NTAQ1: variants seen among roughly 807,000 people sequenced by gnomAD.
NTAQ1 encodes protein N-terminal glutamine amidohydrolase.
A neutral mutation model predicts 28.2 loss-of-function variants in NTAQ1; 21 were observed. The observed-to-expected ratio is 0.74, with a 90% confidence interval of 0.53 to 1.07. The LOEUF (loss-of-function observed/expected upper bound fraction) is 1.07, where lower values mean the gene tolerates loss of function less well. Ranked by LOEUF, NTAQ1 falls within the 50% of genes least tolerant of loss-of-function variation. The probability of loss-of-function intolerance (pLI) is 0.00; values close to 1 mark genes in which losing one functional copy is unlikely to be tolerated. For missense variants in NTAQ1, 264 were observed against 256.6 expected (o/e 1.03, Z -0.20); for synonymous variants, 105 against 90.0 (o/e 1.17, Z -0.94).
chr8:123,443,249 A>C (rs1815146023), downstream of NTAQ1, among the ~76,000 whole-genome samples: 1 of 151,378 alleles, frequency 6.6e-6, no homozygotes, highest in South Asian at 2.1e-4. Flanking sequence ...CAAACTCCTG[A>C]CCTCAGGTGA....
intron 6 of NTAQ1, among the ~76,000 whole-genome samples, chr8:123,455,275 G>A (rs1027082680): frequency 3.9e-5 from 6 of 152,098 alleles, no homozygotes; most frequent in African/African-American, 1.4e-4. Flanking sequence ...TGCTTGGTTC[G>A]TGGGCCTACA....
chr8:123,420,469 C>T (rs1813610179), intron 1 of NTAQ1, among the ~76,000 whole-genome samples: 1 of 151,986 alleles, frequency 6.6e-6, no homozygotes, highest in African/African-American at 2.4e-5. Context: ...AGTTCTGTTT[C>T]AAGTTCTTTG....
At chr8:123,421,390 A>G (rs1813680858) in intron 1 of NTAQ1, among the ~76,000 whole-genome samples, 1 of 152,168 alleles carries the variant, frequency 6.6e-6, no homozygotes, top group African/African-American at 2.4e-5. Context: ...TGACTTTAAG[A>G]ATAGTCATTC....
chr8:123,430,023 C>G lies in NTAQ1; in HGVS notation c.224C>G (p.Pro75Arg). Residue 75 changes from proline (P) to arginine (R), a missense_variant, in exon 3 of 6, where the codon CCT (proline) becomes CGT (arginine). Coordinates refer to ENST00000287387, the MANE Select transcript of NTAQ1 (RefSeq NM_018024.3). ...CAACAGGCGAGACCTGGAGATGGAC[C>G]TGTGATCTGGGTAAGACAGTTAATA... is the stretch of plus-strand genomic sequence containing the variant. ...WKQQARPGDG[P>R]VIWDYHVVLL... The G allele has an allele frequency of 6.2e-7, 1 of 1,612,820 alleles. No individual in the cohort carries two copies. Among genetic ancestry groups the G allele is most frequent in the Non-Finnish European group, 8.5e-7 (1 of 1,179,236 alleles).
At chr8:123,423,933 G>C (rs1813879329) in intron 1 of NTAQ1, among the ~76,000 whole-genome samples, 1 of 151,610 alleles carries the variant, frequency 6.6e-6, no homozygotes, top group African/African-American at 2.4e-5. Context: ...CCAGGCTGGA[G>C]GAGCAGTCGT....
In NTAQ1 at chr8:123,435,742, C is replaced by T. The variant is rs1430515968; in HGVS notation, c.235-711C>T. On this transcript the variant is annotated intron_variant, in intron 3 of 5. Transcript: ENST00000287387. ...ATTAGCTGGGCGTGGTGGCGGGTGT[C>T]TGTAGTCCCAGCTACTCAGGAGGCT... is the stretch of plus-strand genomic sequence containing the variant. Among the ~76,000 whole-genome samples, 3 of 152,026 alleles carry T rather than the reference C, an allele frequency of 2.0e-5. No homozygotes were observed. In the East Asian group the frequency reaches 5.8e-4, roughly 29 times the overall value.
intron 1 of NTAQ1, among the ~76,000 whole-genome samples, chr8:123,427,616 G>A (rs1451699682): frequency 1.3e-5 from 2 of 152,136 alleles, no homozygotes; most frequent in Admixed American, 1.3e-4. Flanking sequence ...AATTTCAGCT[G>A]TATTACAAGT....
intron 5 of NTAQ1, 78 bp downstream of exon 5, chr8:123,437,412 A>G (rs1814785757): frequency 1.0e-5 from 16 of 1,572,922 alleles, no homozygotes; most frequent in Non-Finnish European, 1.3e-5. Flanking sequence ...CGGAGGACAA[A>G]AGTCAGGTTG....
intron 3 of NTAQ1, 95 bp from the exon 4 acceptor site, chr8:123,436,358 T>C (rs1814709780): frequency 8.2e-7 from 1 of 1,215,250 alleles, no homozygotes; most frequent in East Asian, 2.4e-5. Context: ...GCTGTAGCAG[T>C]CCTATATCCT....
intron 3 of NTAQ1, among the ~76,000 whole-genome samples, chr8:123,430,724 C>T (rs560392503): frequency 3.3e-5 from 5 of 151,898 alleles, no homozygotes; most frequent in South Asian, 2.1e-4. Flanking sequence ...GAGGCTGCAG[C>T]GAGCTGAGAT....
intron 1 of NTAQ1, among the ~76,000 whole-genome samples, chr8:123,425,943 G>C (rs974716539): frequency 3.9e-5 from 6 of 152,124 alleles, no homozygotes; most frequent in Admixed American, 6.5e-5. Flanking sequence ...AGAATCGCTT[G>C]AATCCAGGAG....
At chr8:123,461,827 GGAGA>G (rs1242231147) in intron 6 of NTAQ1, among the ~76,000 whole-genome samples, 2 of 152,172 alleles carry the variant, frequency 1.3e-5, no homozygotes, top group African/African-American at 4.8e-5. Context: ...TTGGGGCAGA[GGAGA>G]GAGACTCTTG....
chr8:123,426,378 C>G (rs180922479), intron 1 of NTAQ1, among the ~76,000 whole-genome samples: 1 of 152,230 alleles, frequency 6.6e-6, no homozygotes. Context: ...AAAATCAGGC[C>G]TCTTGAGAAG....
At position 123,469,806 on chromosome 8, in the gene NTAQ1, G is replaced by A. The variant is rs552928474; in HGVS notation, c.*2656G>A. Among the ~76,000 whole-genome samples, 10 of 152,310 alleles carry A rather than the reference G, an allele frequency of 6.6e-5. No homozygotes were observed. The South Asian group carries it at 1.9e-3, about 28-fold the overall frequency. ...AAGGCAATATAGGTGTGTATAAGAGGCAAGTCTCTGCTGTCTGTGAGTCTA... is the reference window on the plus strand; with the variant it reads ...AAGGCAATATAGGTGTGTATAAGAGACAAGTCTCTGCTGTCTGTGAGTCTA... On this transcript the variant is annotated 3_prime_UTR_variant, in exon 7 of 7. Coordinates refer to the NTAQ1 transcript ENST00000650311.
At chr8:123,472,876 A>G (rs1397952462), downstream of NTAQ1, among the ~76,000 whole-genome samples, 1 of 152,182 alleles carries the variant, frequency 6.6e-6, no homozygotes, top group Non-Finnish European at 1.5e-5. Context: ...ATGTGTACTC[A>G]TTAGCCAAAG....
rs535965669 is a variant in NTAQ1, at chr8:123,460,563, T to C, written c.373-6516T>C. Among the ~76,000 whole-genome samples, 6 of 152,330 alleles carry C rather than the reference T, an allele frequency of 3.9e-5. No homozygotes were observed. The South Asian group carries it at 1.2e-3, about 32-fold the overall frequency. Reference sequence around the variant, plus strand: ...TGGGCTGTCTGTGGCACACGGGATGTCTTTACTACTGGACAGCCTTGAACC... The same window carrying C: ...TGGGCTGTCTGTGGCACACGGGATGCCTTTACTACTGGACAGCCTTGAACC... On this transcript the variant is annotated intron_variant, in intron 6 of 6. Coordinates refer to the NTAQ1 transcript ENST00000650311.
intron 5 of NTAQ1, among the ~76,000 whole-genome samples, chr8:123,438,921 G>A (rs1366411477): frequency 6.6e-6 from 1 of 152,158 alleles, no homozygotes. Context: ...GTCTGCCTTA[G>A]CATCTATGGC....
At position 123,461,483 on chromosome 8, in the gene NTAQ1, T is replaced by G. The variant is rs532316829; in HGVS notation, c.373-5596T>G. The stretch of plus-strand genomic sequence containing the variant: ...TCTACACCCCGAGAGGTTATTTCAC[T>G]TGCTCAAGCTCACATATCCAGTATG... On this transcript the variant is annotated intron_variant, in intron 6 of 6. Transcript: ENST00000650311. Among the ~76,000 whole-genome samples the G allele has an allele frequency of 2.6e-5, 4 of 152,354 alleles. No individual in the cohort carries two copies. The South Asian group carries it at 8.3e-4, about 32-fold the overall frequency.
chr8:123,424,125 T>C (rs1270628362), intron 1 of NTAQ1, among the ~76,000 whole-genome samples: 1 of 137,896 alleles, frequency 7.3e-6, no homozygotes, highest in Non-Finnish European at 1.5e-5. Context: ...CAGGCTGGAG[T>C]GCAGTGGTGC....
Sources: gnomAD v4.1 joint callset for allele counts (sites outside exome capture counted in the v4.1 genomes callset) on GRCh38, gnomAD v4.1.1 for gene constraint, MANE v1.5 for transcripts, NCBI Gene and HGNC (gene_info 2026-07-23, HGNC 2026-07-21) for gene names.